Variants in HCK observed in about 807,000 individuals in gnomAD.
HCK encodes tyrosine-protein kinase HCK.
Under a neutral mutation model 70.4 loss-of-function variants are expected in HCK, and 40 were observed. The observed-to-expected ratio is 0.57, with a 90% CI of 0.44 to 0.74. The LOEUF (loss-of-function observed/expected upper bound fraction) is 0.74. HCK is among the 30% of genes least tolerant of loss of function. The pLI is 0.00. For missense variants in HCK, 568 were observed against 697.2 expected, an observed-to-expected ratio of 0.81 and a Z score of 2.09; for synonymous variants, 245 against 263.2, an observed-to-expected ratio of 0.93 and a Z score of 0.67.
chr20:32,071,993 C>T (rs2045548111), intron 2 of HCK: 1 of 591,696 alleles, frequency 1.7e-6, no homozygotes. Flanking sequence ...TTCCTGCAGC[C>T]CAGGCTTGGC....
chr20:32,071,397 T>G (rs2045536383), intron 1 of HCK, among the ~76,000 whole-genome samples: 1 of 152,256 alleles, frequency 6.6e-6, no homozygotes, highest in Admixed American at 6.5e-5. Context: ...TCCATCACGC[T>G]GGTCCTTGGT....
At chr20:32,066,112 C>T (rs376911985) in intron 1 of HCK, among the ~76,000 whole-genome samples, 1 of 152,052 alleles carries the variant, frequency 6.6e-6, no homozygotes, top group African/African-American at 2.4e-5. Context: ...TCACAAGGCA[C>T]TCTGCAGAGA....
At chr20:32,095,637 G>A (rs1031817703) in intron 11 of HCK, among the ~76,000 whole-genome samples, 1 of 152,140 alleles carries the variant, frequency 6.6e-6, no homozygotes, top group Non-Finnish European at 1.5e-5. Context: ...GAAATGAGGA[G>A]TGACTTCTGT....
chr20:32,052,297 A>T lies in HCK; in HGVS notation c.-128A>T. On this transcript the variant is annotated 5_prime_UTR_variant, in exon 1 of 13. The change creates a new upstream start codon in the 5' untranslated region. Coordinates refer to ENST00000375852, the MANE Select transcript of HCK (RefSeq NM_002110.5). The stretch of plus-strand genomic sequence containing the variant: ...ATCAGAGGCTTAGAGGCGAGTGGGA[A>T]GGGACTCAGACAGTGCAGGACGAGA... 1.6e-6 allele frequency: 1 copy of T among 609,814 alleles called. No individual in the cohort carries two copies. The highest frequency in any genetic ancestry group is 2.5e-6 in the Non-Finnish European group (1 of 404,762). The allele number at this position is 609,814 out of a possible 1,614,324, so 37.8% of individuals were successfully genotyped here. A position where few individuals can be genotyped will look rare whatever the true frequency, so the allele number is the denominator to read the frequency against.
intron 1 of HCK, among the ~76,000 whole-genome samples, chr20:32,064,116 G>T (rs575562013): frequency 4.0e-4 from 57 of 142,120 alleles, no homozygotes; most frequent in African/African-American, 1.4e-3. Flanking sequence ...CAATTCTCCA[G>T]CCTCAGCCTC....
At chr20:32,069,189 C>T (rs2122515083) in intron 1 of HCK, among the ~76,000 whole-genome samples, 1 of 152,336 alleles carries the variant, frequency 6.6e-6, no homozygotes, top group South Asian at 2.1e-4. Flanking sequence ...GCTCAGTGCT[C>T]ACCACCACCC....
chr20:32,078,608 T>C (rs1196697451), intron 5 of HCK, among the ~76,000 whole-genome samples: 2 of 151,486 alleles, frequency 1.3e-5, no homozygotes, highest in Non-Finnish European at 2.9e-5. Context: ...TGTAATCCCA[T>C]CACTTTGGGA....
At chr20:32,063,549 T>C (rs1279102874) in intron 1 of HCK, among the ~76,000 whole-genome samples, 1 of 151,944 alleles carries the variant, frequency 6.6e-6, no homozygotes, top group African/African-American at 2.4e-5. Flanking sequence ...GCACCCAGTC[T>C]CTATAACCAG....
chr20:32,072,207 AC>A (rs1449507880), intron 2 of HCK: 1 of 166,620 alleles, frequency 6.0e-6, no homozygotes, highest in African/African-American at 2.4e-5. Flanking sequence ...TGAGTATAAG[AC>A]CAAGAGTAGC....
intron 6 of HCK, 113 bp from the exon 7 acceptor site, chr20:32,083,781 T>G: frequency 7.8e-7 from 1 of 1,284,506 alleles, no homozygotes; most frequent in Non-Finnish European, 1.1e-6. Flanking sequence ...CGGGCACTTC[T>G]GCCCAGGTGT....
chr20:32,070,254 C>T (rs1032294881), intron 1 of HCK, among the ~76,000 whole-genome samples: 1 of 152,172 alleles, frequency 6.6e-6, no homozygotes, highest in Non-Finnish European at 1.5e-5. Context: ...GTCCACGCCT[C>T]ACTCAGCCAC....
chr20:32,062,857 G>A (rs1375516579), intron 1 of HCK, among the ~76,000 whole-genome samples: 1 of 152,196 alleles, frequency 6.6e-6, no homozygotes, highest in Non-Finnish European at 1.5e-5. Flanking sequence ...ACTGCTCAGG[G>A]AATTGGCTCC....
At position 32,084,508 on chromosome 20, in the gene HCK, A is replaced by G; in HGVS notation, c.800A>G (p.Lys267Arg). 6.2e-7 allele frequency: 1 copy of G among 1,614,084 alleles called. No individual in the cohort carries two copies. The highest frequency in any genetic ancestry group is 8.5e-7 in the Non-Finnish European group (1 of 1,179,996). Reference sequence around the variant, plus strand: ...CGGGAATCCCTCAAGCTGGAGAAGAAACTTGGAGCTGGGCAGTTTGGGGAA... The same window carrying G: ...CGGGAATCCCTCAAGCTGGAGAAGAGACTTGGAGCTGGGCAGTTTGGGGAA... The change falls in exon 8 of 13, where the codon AAA becomes AGA. Residue 267 changes from lysine to arginine, a missense_variant. This residue lies in a region of HCK where 13 missense variants were observed against 38.8 expected (regional missense o/e 0.34). Coordinates refer to ENST00000375852, the MANE Select transcript of HCK (RefSeq NM_002110.5).
chr20:32,058,103 C>T (rs2045300794), intron 1 of HCK, among the ~76,000 whole-genome samples: 1 of 152,124 alleles, frequency 6.6e-6, no homozygotes, highest in Non-Finnish European at 1.5e-5. Flanking sequence ...CTCATCTCTA[C>T]CATAGAAATG....
intron 1 of HCK, among the ~76,000 whole-genome samples, chr20:32,061,563 G>A (rs531899730): frequency 6.6e-6 from 1 of 152,322 alleles, no homozygotes; most frequent in South Asian, 2.1e-4. Context: ...GCTGGGAACA[G>A]GCTAGACAGT....
intron 1 of HCK, among the ~76,000 whole-genome samples, chr20:32,068,496 T>A (rs2045492782): frequency 6.6e-6 from 1 of 152,192 alleles, no homozygotes; most frequent in Admixed American, 6.5e-5. Flanking sequence ...CACATGACAT[T>A]TCTGGGCCTA....
chr20:32,099,168 C>G (rs1275059211), intron 12 of HCK, 33 bp downstream of exon 12: 2 of 1,607,304 alleles, frequency 1.2e-6, no homozygotes, highest in Non-Finnish European at 1.7e-6. Context: ...GGGCTGCTAC[C>G]AGGGCCCAGT....
At position 32,052,357 on chromosome 20, in the gene HCK, C is replaced by G; in HGVS notation, c.-68C>G. The stretch of plus-strand genomic sequence containing the variant: ...GGCACCAAAGCCCCTCAGAGCGTCG[C>G]CCCCGCCTCTAGTTCTAGAAAGTCA... On this transcript the variant is annotated 5_prime_UTR_variant, in exon 1 of 13. Transcript: ENST00000375852. The G allele has an allele frequency of 8.7e-7, 1 of 1,150,894 alleles. No homozygotes were observed. The highest frequency in any genetic ancestry group is 1.1e-6 in the Non-Finnish European group (1 of 888,486). 71.3% of individuals were successfully genotyped at this position (1,150,894 alleles called of 1,614,324 possible).
chr20:32,070,266 G>A (rs1353752794), intron 1 of HCK, among the ~76,000 whole-genome samples: 2 of 152,076 alleles, frequency 1.3e-5, no homozygotes, highest in African/African-American at 4.8e-5. Flanking sequence ...CTCAGCCACC[G>A]GTGGGATTAT....
Sources: gnomAD v4.1 joint callset for allele counts (sites outside exome capture counted in the v4.1 genomes callset) on GRCh38, gnomAD v4.1.1 for gene constraint, gnomAD v4.1.1 regional missense constraint, MANE v1.5 for transcripts, NCBI Gene and HGNC (gene_info 2026-07-23, HGNC 2026-07-21) for gene names.